Variants in NALF1 observed in about 807,000 individuals in gnomAD.
The protein encoded by NALF1 is family with sequence similarity 155 member A.
Under a neutral mutation model 48.4 loss-of-function variants are expected in NALF1, and 3 were observed. The observed-to-expected ratio is 0.06, with a 90% confidence interval of 0.03 to 0.16. The LOEUF is 0.16. Ranked by LOEUF, NALF1 falls within the 10% of genes least tolerant of loss-of-function variation. The pLI is 1.00. For missense variants in NALF1, 526 were observed against 571.5 expected (o/e 0.92, Z 0.81); for synonymous variants, 262 against 245.7 (o/e 1.07, Z -0.62).
At chr13:107,192,288 G>A (rs969631629) in intron 2 of NALF1, among the ~76,000 whole-genome samples, 10 of 152,296 alleles carry the variant, frequency 6.6e-5, no homozygotes, top group South Asian at 2.1e-4. Flanking sequence ...CCCAAACGAC[G>A]GATGAATAAC....
At chr13:107,838,200 A>G (rs984051144) in intron 1 of NALF1, among the ~76,000 whole-genome samples, 3 of 152,174 alleles carry the variant, frequency 2.0e-5, no homozygotes, top group Middle Eastern at 3.4e-3. Context: ...AGAAACAAAC[A>G]AACAAACAAA....
In NALF1 at chr13:107,849,358, T is replaced by C. The variant is rs554476866; in HGVS notation, c.915+16324A>G. ...AAGATTGTGTAGTAAAGAAAAATATTGATAGTTCTCTCCTCTAAAGTTTGT... is the reference window on the plus strand; with the variant it reads ...AAGATTGTGTAGTAAAGAAAAATATCGATAGTTCTCTCCTCTAAAGTTTGT... On this transcript the variant is annotated intron_variant, in intron 1 of 2. Transcript: ENST00000375915. 4.5e-4 allele frequency among the ~76,000 whole-genome samples: 68 copies of C among 152,302 alleles called. No homozygotes were observed. In the South Asian group the frequency reaches 0.012, roughly 28 times the overall value.
chr13:107,631,581 A>C (rs1879835864), intron 1 of NALF1, among the ~76,000 whole-genome samples: 1 of 152,094 alleles, frequency 6.6e-6, no homozygotes, highest in Admixed American at 6.6e-5. Context: ...CCCTCTTGAG[A>C]GCTTTTTATT....
At chr13:107,281,244 ACT>A (rs1377730843) in intron 1 of NALF1, among the ~76,000 whole-genome samples, 1 of 152,198 alleles carries the variant, frequency 6.6e-6, no homozygotes, top group Non-Finnish European at 1.5e-5. Flanking sequence ...CACACAAATA[ACT>A]CTGGTACATG....
intron 1 of NALF1, among the ~76,000 whole-genome samples, chr13:107,545,177 G>A (rs900313088): frequency 1.3e-5 from 2 of 152,196 alleles, no homozygotes; most frequent in Non-Finnish European, 2.9e-5. Context: ...ATTCACATAA[G>A]ATGAAGAAAC....
rs1877331261 is a variant in NALF1, at chr13:107,763,593, CT to C, written c.915+102088del. ...CTTGAAGCTTTGGGGCCTGCTTTTGCTTGTCTTATACAAACAACATTAATGA... is the reference window on the plus strand; with the variant it reads ...CTTGAAGCTTTGGGGCCTGCTTTTGCTGTCTTATACAAACAACATTAATGA... On this transcript the variant is annotated intron_variant, in intron 1 of 2. Transcript: ENST00000375915. 7.2e-5 allele frequency among the ~76,000 whole-genome samples: 11 copies of C among 151,850 alleles called. 2 individuals are homozygous for C. In the South Asian group the frequency reaches 2.3e-3, roughly 32 times the overall value.
At chr13:107,547,984 A>T (rs1594122446) in intron 1 of NALF1, among the ~76,000 whole-genome samples, 3 of 152,016 alleles carry the variant, frequency 2.0e-5, no homozygotes, top group African/African-American at 4.8e-5. Context: ...TATTTTTTTT[A>T]AATTTTAGGT....
chr13:107,545,565 T>C (rs1877113726), intron 1 of NALF1, among the ~76,000 whole-genome samples: 1 of 152,036 alleles, frequency 6.6e-6, no homozygotes, highest in South Asian at 2.1e-4. Flanking sequence ...TGAAGGACAG[T>C]TGGAGCCTGA....
At chr13:107,504,203 A>G (rs925133866) in intron 1 of NALF1, among the ~76,000 whole-genome samples, 5 of 149,016 alleles carry the variant, frequency 3.4e-5, no homozygotes, top group African/African-American at 4.9e-5. Flanking sequence ...GTGAGCTGAG[A>G]TTGCACCATT....
chr13:107,541,174 A>T (rs1004071637), intron 1 of NALF1, among the ~76,000 whole-genome samples: 1 of 152,258 alleles, frequency 6.6e-6, no homozygotes, highest in East Asian at 1.9e-4. Flanking sequence ...GTCAAAAAAT[A>T]AAAAGCTTGG....
chr13:107,577,639 C>T (rs1878190786), intron 1 of NALF1, among the ~76,000 whole-genome samples: 1 of 152,172 alleles, frequency 6.6e-6, no homozygotes, highest in Middle Eastern at 3.2e-3. Context: ...CTTGCCTCTA[C>T]TGGGAAGATC....
intron 2 of NALF1, among the ~76,000 whole-genome samples, chr13:107,175,874 G>C (rs1024418062): frequency 6.6e-6 from 1 of 152,044 alleles, no homozygotes; most frequent in Non-Finnish European, 1.5e-5. Context: ...GCCTCCTAAC[G>C]ATGTACAGGT....
At chr13:107,773,420 A>C (rs1383977667) in intron 1 of NALF1, among the ~76,000 whole-genome samples, 1 of 152,180 alleles carries the variant, frequency 6.6e-6, no homozygotes, top group Non-Finnish European at 1.5e-5. Flanking sequence ...CTAGACCTCA[A>C]GTTATTATGG....
At chr13:107,853,838 T>A (rs1032445037) in intron 1 of NALF1, among the ~76,000 whole-genome samples, 1 of 152,196 alleles carries the variant, frequency 6.6e-6, no homozygotes, top group African/African-American at 2.4e-5. Context: ...AAGTTTGATT[T>A]TTTCAAAAAA....
At chr13:107,764,152 A>T (rs1547801) in intron 1 of NALF1, among the ~76,000 whole-genome samples, 24 of 152,010 alleles carry the variant, frequency 1.6e-4, no homozygotes, top group Admixed American at 1.6e-3. Flanking sequence ...AGAGGAAATA[A>T]AAAGGCAACA....
intron 1 of NALF1, among the ~76,000 whole-genome samples, chr13:107,290,188 A>C (rs76122042): frequency 0.43 from 55,010 of 126,790 alleles, 10,408 homozygotes; most frequent in East Asian, 0.55. Context: ...AAAAAAAAAC[A>C]AAAAAAAAAA....
At chr13:107,785,074 G>A (rs987855082) in intron 1 of NALF1, among the ~76,000 whole-genome samples, 21 of 151,938 alleles carry the variant, frequency 1.4e-4, no homozygotes, top group African/African-American at 5.1e-4. Context: ...GTATGTGTGT[G>A]TGTATGTATA....
At chr13:107,426,981 G>A (rs1884291469) in intron 1 of NALF1, among the ~76,000 whole-genome samples, 2 of 151,802 alleles carry the variant, frequency 1.3e-5, no homozygotes, top group Admixed American at 1.3e-4. Context: ...TATATTAAGT[G>A]CAACAAGTAC....
At chr13:107,339,525 T>C (rs1373794665) in intron 1 of NALF1, among the ~76,000 whole-genome samples, 3 of 152,142 alleles carry the variant, frequency 2.0e-5, no homozygotes, top group Non-Finnish European at 4.4e-5. Flanking sequence ...TGCTAGTTCG[T>C]AGACCACTCT....
Sources: allele counts gnomAD v4.1 joint callset (sites outside exome capture counted in the v4.1 genomes callset), GRCh38; gene constraint gnomAD v4.1.1; transcripts MANE v1.5; gene names NCBI Gene and HGNC (gene_info 2026-07-23, HGNC 2026-07-21).